DCAF8L2: variants seen among roughly 807,000 people sequenced by gnomAD.
DCAF8L2 encodes DDB1 and CUL4 associated factor 8 like 2.
For missense variants in DCAF8L2, 430 were observed against 490.7 expected, an observed-to-expected ratio of 0.88 and a Z score of 1.17; for synonymous variants, 200 against 190.9, an observed-to-expected ratio of 1.05 and a Z score of -0.39.
chrX:27,596,747 A>C lies in DCAF8L2; in HGVS notation c.-342+6307A>C, dbSNP rs781619465. On this transcript the variant is annotated intron_variant, in intron 1 of 4. Transcript: ENST00000451261. ...GTCATTACCATCTAAACTTGTGTAC[A>C]AAAATTAAATATTCAAGTTAATTTT... Among the ~76,000 whole-genome samples the C allele has an allele frequency of 3.6e-3, 403 of 111,398 alleles. 2 individuals carry two copies. Among genetic ancestry groups the C allele is most frequent in the Non-Finnish European group, 6.3e-3 (334 of 53,025 alleles).
chrX:27,614,570 G>T (rs747385536), intron 1 of DCAF8L2, among the ~76,000 whole-genome samples: 1 of 111,460 alleles, frequency 9.0e-6, no homozygotes, highest in South Asian at 3.8e-4. Context: ...GATCTTTCCT[G>T]CTTTCTCTTT....
chrX:27,606,382 T>TATATATATATATATATATATATATATATA (rs1358332870), intron 1 of DCAF8L2, among the ~76,000 whole-genome samples: 5 of 81,105 alleles, frequency 6.2e-5, no homozygotes, highest in African/African-American at 1.0e-4. Context: ...TATATATATA[T>TATATATATATATATATATATATATATATA]TCTTTTGAGA....
the DCAF8L2 span, among the ~76,000 whole-genome samples, chrX:27,532,011 T>C: frequency 9.0e-6 from 1 of 111,080 alleles, no homozygotes; most frequent in East Asian, 2.8e-4. Flanking sequence ...AGTTAAATTA[T>C]AAATACATGA....
chrX:27,641,153 A>G (rs1269385772), intron 2 of DCAF8L2, among the ~76,000 whole-genome samples: 1 of 111,646 alleles, frequency 9.0e-6, no homozygotes, highest in Non-Finnish European at 1.9e-5. Context: ...TTTTATATTT[A>G]CTCACATACT....
At chrX:27,681,826 T>C (rs1225708943) in intron 3 of DCAF8L2, among the ~76,000 whole-genome samples, 1 of 112,429 alleles carries the variant, frequency 8.9e-6, no homozygotes, top group African/African-American at 3.2e-5. Flanking sequence ...TATTTTCTAA[T>C]TCAAAATTCC....
chrX:27,600,659 G>C (rs938291077), intron 1 of DCAF8L2, among the ~76,000 whole-genome samples: 1 of 112,058 alleles, frequency 8.9e-6, no homozygotes, highest in Non-Finnish European at 1.9e-5. Flanking sequence ...AGAGTGCAGA[G>C]TTGTATTTGT....
At chrX:27,659,988 T>A (rs1929496892) in intron 2 of DCAF8L2, among the ~76,000 whole-genome samples, 1 of 111,546 alleles carries the variant, frequency 9.0e-6, no homozygotes, top group South Asian at 3.7e-4. Context: ...TTGGCATGTT[T>A]CCTTACTTTT....
At chrX:27,630,904 G>A (rs1324874030) in intron 1 of DCAF8L2, among the ~76,000 whole-genome samples, 7 of 111,733 alleles carry the variant, frequency 6.3e-5, no homozygotes, top group Non-Finnish European at 1.3e-4. Flanking sequence ...GGTCTCTGGT[G>A]TCTCTTTTAT....
intron 1 of DCAF8L2, among the ~76,000 whole-genome samples, chrX:27,624,196 G>A (rs1927910153): frequency 9.0e-6 from 1 of 111,655 alleles, no homozygotes; most frequent in Non-Finnish European, 1.9e-5. Context: ...GGGATTATCA[G>A]TCACAGTAGA....
At chrX:27,725,013 AAATAT>A (rs780947172) in intron 4 of DCAF8L2, among the ~76,000 whole-genome samples, 46 of 111,583 alleles carry the variant, frequency 4.1e-4, no homozygotes, top group South Asian at 1.8e-3. Context: ...AAAACAAATA[AAATAT>A]AATATTGTTA....
intron 3 of DCAF8L2, among the ~76,000 whole-genome samples, chrX:27,713,774 C>T (rs1931604858): frequency 9.0e-6 from 1 of 111,217 alleles, no homozygotes; most frequent in African/African-American, 3.3e-5. Flanking sequence ...AATTAATGGG[C>T]ATGGCTGTGT....
rs1036757542 is a variant in DCAF8L2, at chrX:27,720,443, G to A, written c.-59+4272G>A. Among the ~76,000 whole-genome samples the A allele has an allele frequency of 1.5e-4, 16 of 110,127 alleles. No individual in the cohort carries two copies. The South Asian group carries it at 1.5e-3, about 10-fold the overall frequency. On this transcript the variant is annotated intron_variant, in intron 4 of 4. Coordinates refer to ENST00000451261, the MANE Select transcript of DCAF8L2 (RefSeq NM_001353450.2). ...CTGCGGACTGCAGTGGCGCAATCTC[G>A]GCTCACTGCAAGCTCTGCCTCCTGG...
intron 4 of DCAF8L2, among the ~76,000 whole-genome samples, chrX:27,729,776 T>TC: frequency 8.9e-6 from 1 of 112,004 alleles, no homozygotes; most frequent in Non-Finnish European, 1.9e-5. Flanking sequence ...CCTAATACCA[T>TC]CACCTTGGAG....
At chrX:27,509,513 T>C in the DCAF8L2 span, among the ~76,000 whole-genome samples, 1 of 112,284 alleles carries the variant, frequency 8.9e-6, no homozygotes, top group Admixed American at 9.5e-5. Flanking sequence ...GGAAATATTG[T>C]TGTAAATGAA....
intron 1 of DCAF8L2, among the ~76,000 whole-genome samples, chrX:27,606,957 G>A (rs998313240): frequency 9.0e-5 from 10 of 111,190 alleles, no homozygotes; most frequent in Non-Finnish European, 1.7e-4. Flanking sequence ...AGTTACAATA[G>A]TTTGGTTTTC....
chrX:27,570,243 A>C, the DCAF8L2 span, among the ~76,000 whole-genome samples: 1 of 110,840 alleles, frequency 9.0e-6, no homozygotes, highest in East Asian at 2.8e-4. Context: ...GTTCAATGGT[A>C]TCTTTTGGGC....
chrX:27,713,516 C>T (rs1471077987), intron 3 of DCAF8L2, among the ~76,000 whole-genome samples: 1 of 111,136 alleles, frequency 9.0e-6, no homozygotes, highest in Non-Finnish European at 1.9e-5. Context: ...AGGAGATTTT[C>T]TGTAAAGGGG....
chrX:27,569,205 A>C, the DCAF8L2 span, among the ~76,000 whole-genome samples: 1 of 110,868 alleles, frequency 9.0e-6, no homozygotes, highest in Non-Finnish European at 1.9e-5. Context: ...TCTTACCACC[A>C]CCAACCCCAA....
chrX:27,661,111 G>A (rs1929542577), intron 2 of DCAF8L2, among the ~76,000 whole-genome samples: 2 of 111,599 alleles, frequency 1.8e-5, no homozygotes, highest in Non-Finnish European at 3.8e-5. Flanking sequence ...TTCCCTGTCT[G>A]GGATAATGCA....
Sources: allele counts gnomAD v4.1 joint callset (sites outside exome capture counted in the v4.1 genomes callset), GRCh38; gene constraint gnomAD v4.1.1; transcripts MANE v1.5; gene names NCBI Gene and HGNC (gene_info 2026-07-23, HGNC 2026-07-21).